MFF: variants seen among roughly 807,000 people sequenced by gnomAD.
MFF encodes the protein chromosome 2 open reading frame 33.
A neutral mutation model predicts 36.9 loss-of-function variants in MFF; 12 were observed. The observed-to-expected ratio is 0.33, with a 90% CI of 0.21 to 0.53. MFF has a LOEUF of 0.53. MFF is among the 20% of genes least tolerant of loss of function. The probability of loss-of-function intolerance (pLI) is 0.95; values close to 1 mark genes in which losing one functional copy is unlikely to be tolerated. For synonymous variants in MFF, 99 were observed against 126.2 expected (o/e 0.78, Z 1.44); for missense variants, 348 against 366.6 (o/e 0.95, Z 0.42).
intron 6 of MFF, among the ~76,000 whole-genome samples, chr2:227,347,617 A>C (rs562044211): frequency 1.3e-5 from 2 of 152,354 alleles, no homozygotes; most frequent in Admixed American, 1.3e-4. Flanking sequence ...TAGAAAGTGT[A>C]GTGATTTTTT....
chr2:227,349,139 G>A (rs955274859), intron 6 of MFF, among the ~76,000 whole-genome samples: 1 of 151,978 alleles, frequency 6.6e-6, no homozygotes, highest in East Asian at 1.9e-4. Flanking sequence ...TAGCTAGATG[G>A]CAGAGTCACA....
chr2:227,340,260 C>G lies in MFF; in HGVS notation c.352-32C>G, dbSNP rs1400011506. ...AGCTACTAGCCTACTAAGAATATTT[C>G]TATTTCCTTCCCTCTCTTTGTGCCT... On this transcript the variant is annotated intron_variant, in intron 4 of 8. Coordinates refer to ENST00000304593, the MANE Select transcript of MFF (RefSeq NM_001277062.2). 4.5e-6 allele frequency: 7 copies of G among 1,567,642 alleles called. No homozygotes were observed. In the South Asian group the frequency reaches 7.8e-5, roughly 17 times the overall value.
chr2:227,334,333 A>G lies in MFF; in HGVS notation c.351+1745A>G, dbSNP rs184834167. 5.3e-5 allele frequency among the ~76,000 whole-genome samples: 8 copies of G among 152,314 alleles called. No homozygotes were observed. The East Asian group carries it at 1.4e-3, about 26-fold the overall frequency. On this transcript the variant is annotated intron_variant, in intron 4 of 8. Transcript: ENST00000304593. ...TTTCTGAGATTAATACCAGCTGCTT[A>G]TTGAAAGCAAAGATGATGGTTTGGA...
intron 1 of MFF, among the ~76,000 whole-genome samples, chr2:227,328,118 C>T (rs2074296836): frequency 6.6e-6 from 1 of 151,960 alleles, no homozygotes; most frequent in Non-Finnish European, 1.5e-5. Context: ...CACCTGTAGT[C>T]CCAGCACTTT....
chr2:227,332,454 G>C lies in MFF; in HGVS notation c.217G>C (p.Asp73His). ...AGATGTTTCATTTTCAAGACCAGCAGATCTTGACCTTATTCAGTCAACTCC... is the reference window on the plus strand; with the variant it reads ...AGATGTTTCATTTTCAAGACCAGCACATCTTGACCTTATTCAGTCAACTCC... ...NEDVSFSRPA[D>H]LDLIQSTPFK... Residue 73 changes from aspartate (D) to histidine (H), a missense_variant, in exon 4 of 9, where the codon GAT becomes CAT. Physicochemically the swap from Asp to His is moderately conservative, Grantham distance 81 (BLOSUM62 -1). Transcript: ENST00000304593. 6.2e-7 allele frequency: 1 copy of C among 1,613,006 alleles called. No homozygotes were observed. Among genetic ancestry groups the C allele is most frequent in the South Asian group, 1.1e-5 (1 of 90,830 alleles).
intron 5 of MFF, chr2:227,342,889 C>T: frequency 1.5e-6 from 2 of 1,319,518 alleles, no homozygotes; most frequent in Non-Finnish European, 2.2e-6. Flanking sequence ...TAATACTAAT[C>T]TATTCACCAG....
At chr2:227,325,854 G>C (rs2074067312) in intron 1 of MFF, among the ~76,000 whole-genome samples, 1 of 152,164 alleles carries the variant, frequency 6.6e-6, no homozygotes, top group Non-Finnish European at 1.5e-5. Flanking sequence ...CCTTAAACCT[G>C]CCTTGTTTAA....
chr2:227,336,632 A>G (rs1240274395), intron 4 of MFF, among the ~76,000 whole-genome samples: 1 of 152,246 alleles, frequency 6.6e-6, no homozygotes. Context: ...GCCAAATTCT[A>G]CAGCAGTTAT....
chr2:227,344,958 A>G (rs1394317348), intron 5 of MFF, among the ~76,000 whole-genome samples: 2 of 152,200 alleles, frequency 1.3e-5, no homozygotes, highest in Non-Finnish European at 2.9e-5. Context: ...TTCATGTTAA[A>G]TTATAACTGA....
Position 227,340,383 on chromosome 2 carries a change from G to T in MFF, c.440+3G>T. The T allele has an allele frequency of 6.9e-7, 1 of 1,452,386 alleles. No homozygotes were observed. Among genetic ancestry groups the T allele is most frequent in the South Asian group, 1.3e-5 (1 of 75,460 alleles). The allele number at this position is 1,452,386 out of a possible 1,614,324, so 90.0% of individuals were successfully genotyped here. A position where few individuals can be genotyped will look rare whatever the true frequency, so the allele number is the denominator to read the frequency against. ...CAGCTGGTCAGAAATGATTCTCTGT[G>T]AGTAGAAGCACTAGCATTTTATCTC... On this transcript the variant is annotated splice_donor_region_variant and intron_variant, in intron 5 of 8. Transcript: ENST00000304593.
chr2:227,350,761 G>A (rs536669691), intron 6 of MFF, among the ~76,000 whole-genome samples: 5 of 152,196 alleles, frequency 3.3e-5, no homozygotes, highest in Middle Eastern at 3.4e-3. Context: ...AGTTAATGGC[G>A]GAGCTTGGTG....
intron 4 of MFF, among the ~76,000 whole-genome samples, chr2:227,337,634 C>T (rs1446127378): frequency 6.6e-6 from 1 of 152,178 alleles, no homozygotes; most frequent in East Asian, 1.9e-4. Flanking sequence ...CTATGTAGCA[C>T]TAGACACTGT....
At chr2:227,331,957 G>A (rs2074603164) in intron 3 of MFF, among the ~76,000 whole-genome samples, 1 of 107,594 alleles carries the variant, frequency 9.3e-6, no homozygotes, top group South Asian at 3.9e-4. Context: ...TACGCTGGAA[G>A]CATTTTTTTT....
intron 6 of MFF, among the ~76,000 whole-genome samples, chr2:227,350,347 A>G (rs2075930559): frequency 6.6e-6 from 1 of 152,156 alleles, no homozygotes; most frequent in Admixed American, 6.5e-5. Flanking sequence ...ACAATGTAAA[A>G]TATTCGCATC....
chr2:227,342,819 C>G, intron 5 of MFF: 1 of 1,612,504 alleles, frequency 6.2e-7, no homozygotes, highest in Non-Finnish European at 8.5e-7. Context: ...CCGGAGTACA[C>G]GTAAGATTTT....
chr2:227,354,704 T>G (rs764055366), intron 7 of MFF, among the ~76,000 whole-genome samples: 2 of 149,566 alleles, frequency 1.3e-5, no homozygotes, highest in African/African-American at 2.5e-5. Flanking sequence ...TTTAATATGC[T>G]TTCTCTGGAT....
At chr2:227,337,012 C>T (rs1406593362) in intron 4 of MFF, among the ~76,000 whole-genome samples, 2 of 152,198 alleles carry the variant, frequency 1.3e-5, no homozygotes, top group Non-Finnish European at 2.9e-5. Context: ...GTGATGGTTT[C>T]TTGAGCTCTT....
intron 8 of MFF, among the ~76,000 whole-genome samples, chr2:227,356,682 A>G (rs2076274350): frequency 6.6e-6 from 1 of 152,184 alleles, no homozygotes; most frequent in Non-Finnish European, 1.5e-5. Flanking sequence ...CTTTTCTGCC[A>G]GAATAACAGT....
At chr2:227,331,059 A>G (rs968421170) in intron 3 of MFF, among the ~76,000 whole-genome samples, 2 of 152,236 alleles carry the variant, frequency 1.3e-5, no homozygotes, top group Admixed American at 6.5e-5. Flanking sequence ...CATAAAATGT[A>G]TACATTTTTA....
Sources: gnomAD v4.1 joint callset for allele counts (sites outside exome capture counted in the v4.1 genomes callset) on GRCh38, gnomAD v4.1.1 for gene constraint, MANE v1.5 for transcripts, NCBI Gene and HGNC (gene_info 2026-07-23, HGNC 2026-07-21) for gene names.